Variants in GGACT observed in about 807,000 individuals in gnomAD.
GGACT encodes gamma-glutamylamine cyclotransferase.
For synonymous variants in GGACT, 118 were observed against 115.3 expected, an observed-to-expected ratio of 1.02 and a Z score of -0.15; for missense variants, 241 against 233.2, an observed-to-expected ratio of 1.03 and a Z score of -0.22.
intron 2 of GGACT, among the ~76,000 whole-genome samples, chr13:100,542,195 C>G (rs1487897490): frequency 6.6e-6 from 1 of 152,182 alleles, no homozygotes; most frequent in African/African-American, 2.4e-5. Context: ...GGCTGCCAGT[C>G]CAACTTACTA....
chr13:100,586,502 C>A (rs1392320027), intron 1 of GGACT, among the ~76,000 whole-genome samples: 1 of 149,634 alleles, frequency 6.7e-6, no homozygotes. Flanking sequence ...CACCCCTCCT[C>A]TCGCGGAGTC....
Position 100,534,944 on chromosome 13 carries a change from C to T in GGACT, c.-10-2343G>A, listed in dbSNP as rs1039322630. On this transcript the variant is annotated intron_variant, in intron 2 of 2. Transcript: ENST00000683975. The surrounding 1 kb of genome is among the most constrained non-coding windows in gnomAD (Gnocchi z 4.9). The stretch of plus-strand genomic sequence containing the variant: ...GAGGGTGCAGGAGTAGTAGGCAGGG[C>T]CTACTCAGTCTGTCACATCACTCTG... Among the ~76,000 whole-genome samples the T allele has an allele frequency of 6.6e-6, 1 of 152,242 alleles. No homozygotes were observed. The highest frequency in any genetic ancestry group is 1.5e-5 in the Non-Finnish European group (1 of 68,040).
chr13:100,566,765 T>A (rs528282029), intron 2 of GGACT, among the ~76,000 whole-genome samples: 1 of 152,366 alleles, frequency 6.6e-6, no homozygotes, highest in African/African-American at 2.4e-5. Context: ...CTCACTACAC[T>A]ACAACCTGTG....
intron 2 of GGACT, chr13:100,538,714 G>A (rs1020220074): frequency 3.9e-5 from 6 of 152,180 alleles, no homozygotes; most frequent in African/African-American, 1.4e-4. Context: ...AGATCACATT[G>A]TCTATTTAAG....
intron 2 of GGACT, among the ~76,000 whole-genome samples, chr13:100,578,522 CT>C (rs1435731555): frequency 6.6e-6 from 1 of 152,226 alleles, no homozygotes; most frequent in East Asian, 1.9e-4. Flanking sequence ...AACCCTGGTT[CT>C]GCTGGCTTAC....
intron 2 of GGACT, among the ~76,000 whole-genome samples, chr13:100,580,722 A>C (rs1875389252): frequency 6.6e-6 from 1 of 152,222 alleles, no homozygotes; most frequent in South Asian, 2.1e-4. Context: ...GCCAGGGGGA[A>C]GCTATGAAAT....
At chr13:100,578,051 GT>G (rs1011908595) in intron 2 of GGACT, among the ~76,000 whole-genome samples, 5 of 152,154 alleles carry the variant, frequency 3.3e-5, no homozygotes, top group Admixed American at 3.3e-4. Context: ...GGAAATGGAT[GT>G]TTTCTAAGAG....
chr13:100,539,694 A>G, intron 2 of GGACT: 1 of 586,256 alleles, frequency 1.7e-6, no homozygotes, highest in East Asian at 2.8e-5. Context: ...CCTTAGTATC[A>G]GGGTGATGCT....
intron 1 of GGACT, among the ~76,000 whole-genome samples, chr13:100,587,633 C>A (rs1875619303): frequency 6.6e-6 from 1 of 151,978 alleles, no homozygotes; most frequent in African/African-American, 2.4e-5. Context: ...CATAAGGACA[C>A]CTACGTGTGT....
intron 2 of GGACT, among the ~76,000 whole-genome samples, chr13:100,557,595 T>A (rs1460273941): frequency 6.6e-6 from 1 of 151,766 alleles, no homozygotes; most frequent in East Asian, 1.9e-4. Flanking sequence ...TTTAAAAACC[T>A]CTTATCTCAC....
At position 100,588,421 on chromosome 13, in the gene GGACT, T is replaced by C. The variant is rs78511741; in HGVS notation, c.-184+320A>G. ...CCAGCGTGTGGGCTGTCACGCTTCC[T>C]TTACAGGGAAGCAGCGCCCGTGCGT... On this transcript the variant is annotated intron_variant, in intron 1 of 2. Transcript: ENST00000683975. Among the ~76,000 whole-genome samples, 1,027 of 152,326 alleles carry C rather than the reference T, an allele frequency of 6.7e-3. 9 individuals carry two copies. Among genetic ancestry groups the C allele is most frequent in the African/African-American group, 0.023 (956 of 41,588 alleles).
chr13:100,562,916 T>G (rs1485083161), intron 2 of GGACT, among the ~76,000 whole-genome samples: 2 of 152,122 alleles, frequency 1.3e-5, no homozygotes, highest in African/African-American at 4.8e-5. Context: ...CCCGTTCCCC[T>G]GCCTGGGCCC....
At chr13:100,554,033 A>T (rs2088691304) in intron 2 of GGACT, among the ~76,000 whole-genome samples, 1 of 152,196 alleles carries the variant, frequency 6.6e-6, no homozygotes, top group Non-Finnish European at 1.5e-5. Flanking sequence ...TACACAAAGG[A>T]AACACAATGA....
Position 100,551,144 on chromosome 13 carries a change from T to C in GGACT, c.-10-18543A>G, listed in dbSNP as rs535579503. ...CTAAAAGTACAAAAAATTAGCCGGGTGTGGTGGCGGGCGCCTGTGGTCCCA... is the reference window on the plus strand; with the variant it reads ...CTAAAAGTACAAAAAATTAGCCGGGCGTGGTGGCGGGCGCCTGTGGTCCCA... On this transcript the variant is annotated intron_variant, in intron 2 of 2. Transcript: ENST00000683975. Among the ~76,000 whole-genome samples, 425 of 151,418 alleles carry C rather than the reference T, an allele frequency of 2.8e-3. 2 individuals are homozygous for C. The highest frequency in any genetic ancestry group is 9.9e-3 in the African/African-American group (410 of 41,240).
chr13:100,561,808 C>T (rs2088762886), intron 2 of GGACT, among the ~76,000 whole-genome samples: 1 of 152,214 alleles, frequency 6.6e-6, no homozygotes, highest in Non-Finnish European at 1.5e-5. Flanking sequence ...AACCTCTCAT[C>T]CTGGATCTCC....
chr13:100,556,189 C>CT (rs2088706779), intron 2 of GGACT, among the ~76,000 whole-genome samples: 2 of 152,242 alleles, frequency 1.3e-5, no homozygotes, highest in South Asian at 4.2e-4. Flanking sequence ...AGAAAACTAT[C>CT]TTTTTTGCAG....
At position 100,559,733 on chromosome 13, in the gene GGACT, G is replaced by T. The variant is rs562975605; in HGVS notation, c.-11+24092C>A. Among the ~76,000 whole-genome samples the T allele has an allele frequency of 8.5e-5, 13 of 152,256 alleles. No individual in the cohort carries two copies. In the East Asian group the frequency reaches 1.9e-3, roughly 23 times the overall value. ...TGGTCTCCAACTCCTGACCTCAAGT[G>T]ATCCACCTGCCTTGGCCTCCCAAAC... On this transcript the variant is annotated intron_variant, in intron 2 of 2. Transcript: ENST00000683975.
At chr13:100,576,596 C>T (rs775312279) in intron 2 of GGACT, among the ~76,000 whole-genome samples, 3 of 152,170 alleles carry the variant, frequency 2.0e-5, no homozygotes, top group Non-Finnish European at 4.4e-5. Context: ...CAGACGATGG[C>T]GATAAGAAAG....
At chr13:100,576,315 G>A (rs1465413842) in intron 2 of GGACT, among the ~76,000 whole-genome samples, 1 of 152,208 alleles carries the variant, frequency 6.6e-6, no homozygotes, top group African/African-American at 2.4e-5. Flanking sequence ...AGAAGGATGT[G>A]AAACAACTGG....
Sources: allele counts gnomAD v4.1 joint callset (sites outside exome capture counted in the v4.1 genomes callset), GRCh38; gene constraint gnomAD v4.1.1; non-coding constraint Gnocchi (gnomAD v3.1); transcripts MANE v1.5; gene names NCBI Gene and HGNC (gene_info 2026-07-23, HGNC 2026-07-21).